BTBD2: variants seen among roughly 807,000 people sequenced by gnomAD.
BTBD2 encodes BTB domain containing 2.
Under a neutral mutation model 44.0 loss-of-function variants are expected in BTBD2, and 15 were observed. The observed-to-expected ratio is 0.34, with a 90% CI of 0.23 to 0.53. The LOEUF (loss-of-function observed/expected upper bound fraction) is 0.53. Among genes scored for constraint, BTBD2 ranks in the 20% least tolerant of loss-of-function variants. The probability of loss-of-function intolerance (pLI) is 0.95; values close to 1 mark genes in which losing one functional copy is unlikely to be tolerated. For missense variants in BTBD2, 657 were observed against 746.4 expected (o/e 0.88, Z 1.39); for synonymous variants, 443 against 335.9 (o/e 1.32, Z -3.49).
intron 4 of BTBD2, 75 bp downstream of exon 4, chr19:1,990,642 C>T: frequency 7.3e-7 from 1 of 1,366,616 alleles, no homozygotes; most frequent in Non-Finnish European, 1.0e-6. Flanking sequence ...AGGCCCAAAG[C>T]TCCCACTGTC....
Position 1,990,799 on chromosome 19 carries a change from C to G in BTBD2, c.708G>C (p.Gln236His). ...TGTTCTCCAGGCACAGGCTGGCCAG[C>G]TGCGGTTCATCGAAGAGTCGCGCCT... ...LTQARLFDEPQLASLCLENID... is the reference protein window; with the variant it reads ...LTQARLFDEPHLASLCLENID... Residue 236 changes from glutamine to histidine, a missense_variant, in exon 4 of 9, where the codon CAG (glutamine) becomes CAC (histidine). By Grantham distance (24) the Gln-to-His change is conservative (BLOSUM62 0). Around this residue, in one of 3 missense-constraint regions of BTBD2, gnomAD observed 449 missense variants for 510.9 expected, o/e 0.88. Transcript: ENST00000255608. The G allele has an allele frequency of 6.3e-7, 1 of 1,585,202 alleles. No individual in the cohort carries two copies. Among genetic ancestry groups the G allele is most frequent in the Non-Finnish European group, 8.6e-7 (1 of 1,167,482 alleles).
chr19:1,986,748 C>T, intron 8 of BTBD2, 82 bp downstream of exon 8: 1 of 1,575,478 alleles, frequency 6.3e-7, no homozygotes, highest in South Asian at 1.2e-5. Context: ...GTGGCTGCCT[C>T]TGGAGAGTGT....
Position 1,995,969 on chromosome 19 carries a change from TTTGAG to T in BTBD2, c.527+1370_527+1374del, listed in dbSNP as rs375901787. Among the ~76,000 whole-genome samples, 51 of 152,206 alleles carry T rather than the reference TTTGAG, an allele frequency of 3.4e-4. No homozygotes were observed. In the South Asian group the frequency reaches 7.3e-3, roughly 22 times the overall value. The stretch of plus-strand genomic sequence containing the variant: ...CGTGCCCAGCCTGGACTTTGATCTA[TTTGAG>T]TTAATTTTTATATACAGTAAGGTAA... On this transcript the variant is annotated intron_variant, in intron 2 of 8. Transcript: ENST00000255608.
At chr19:1,998,290 G>A (rs1003557208) in intron 1 of BTBD2, among the ~76,000 whole-genome samples, 2 of 152,180 alleles carry the variant, frequency 1.3e-5, no homozygotes, top group African/African-American at 2.4e-5. Flanking sequence ...CCAAATGGCC[G>A]AACAGCCCCC....
At chr19:1,998,852 C>G (rs116505504) in intron 1 of BTBD2, among the ~76,000 whole-genome samples, 1 of 152,094 alleles carries the variant, frequency 6.6e-6, no homozygotes, top group Non-Finnish European at 1.5e-5. Context: ...CACAGACGCT[C>G]GGCCTGCGCG....
intron 1 of BTBD2, among the ~76,000 whole-genome samples, chr19:2,007,786 C>A (rs2016413260): frequency 6.6e-6 from 1 of 152,112 alleles, no homozygotes; most frequent in Admixed American, 6.6e-5. Context: ...CAAGATCATG[C>A]CACTGCACTT....
At chr19:1,990,333 C>G (rs977941501) in intron 4 of BTBD2, 132 bp from the exon 5 acceptor site, 1 of 926,970 alleles carries the variant, frequency 1.1e-6, no homozygotes, top group South Asian at 1.6e-5. Flanking sequence ...AAATCTGGCC[C>G]TGTGAGTGTG....
intron 1 of BTBD2, among the ~76,000 whole-genome samples, chr19:2,009,973 G>A (rs2016443183): frequency 6.7e-6 from 1 of 150,036 alleles, no homozygotes; most frequent in African/African-American, 2.5e-5. Flanking sequence ...GGCTAACATG[G>A]TGAAACCCCG....
chr19:1,999,824 T>C (rs1417932395), intron 1 of BTBD2, among the ~76,000 whole-genome samples: 2 of 150,420 alleles, frequency 1.3e-5, no homozygotes, highest in East Asian at 3.9e-4. Flanking sequence ...TAGCTGGGCG[T>C]GGTGGTGGGT....
chr19:2,007,771 C>A (rs371463709), intron 1 of BTBD2, among the ~76,000 whole-genome samples: 1 of 152,042 alleles, frequency 6.6e-6, no homozygotes, highest in Non-Finnish European at 1.5e-5. Flanking sequence ...AGCTTTGCAG[C>A]GAGCCAAGAT....
intron 1 of BTBD2, among the ~76,000 whole-genome samples, chr19:2,004,365 C>G (rs1211290428): frequency 6.6e-6 from 1 of 151,198 alleles, no homozygotes; most frequent in Non-Finnish European, 1.5e-5. Context: ...TCTCAGCTCA[C>G]CACAAAATCA....
At chr19:2,004,081 T>G (rs2016363854) in intron 1 of BTBD2, among the ~76,000 whole-genome samples, 2 of 151,916 alleles carry the variant, frequency 1.3e-5, no homozygotes, top group Admixed American at 1.3e-4. Flanking sequence ...ATGGTCTGTT[T>G]CTTACCTATG....
chr19:2,010,853 G>A (rs548080105), intron 1 of BTBD2, among the ~76,000 whole-genome samples: 4 of 152,238 alleles, frequency 2.6e-5, no homozygotes, highest in African/African-American at 7.2e-5. Flanking sequence ...TGGCCAGGCT[G>A]GTCTCAAACC....
chr19:2,013,259 C>A (rs1460366039), intron 1 of BTBD2, among the ~76,000 whole-genome samples: 1 of 152,202 alleles, frequency 6.6e-6, no homozygotes, highest in Non-Finnish European at 1.5e-5. Context: ...GAAAACCCAG[C>A]CCCTGCCCCC....
rs751310183 is a variant in BTBD2, at chr19:1,987,155, G to A, written c.1269+11C>T. On this transcript the variant is annotated intron_variant, in intron 7 of 8. Coordinates refer to ENST00000255608, the MANE Select transcript of BTBD2 (RefSeq NM_017797.4). ...TGAGTGGGGCCTGGGGATGAGGCTT[G>A]GGGCTGGTACCTGGATGTTCACTTG... is the stretch of plus-strand genomic sequence containing the variant. 7 of 1,613,038 alleles carry A rather than the reference G, an allele frequency of 4.3e-6. No individual in the cohort carries two copies. Among genetic ancestry groups the A allele is most frequent in the Non-Finnish European group, 5.9e-6 (7 of 1,179,268 alleles).
At chr19:1,999,919 G>A (rs539977173) in intron 1 of BTBD2, among the ~76,000 whole-genome samples, 18 of 148,558 alleles carry the variant, frequency 1.2e-4, no homozygotes, top group South Asian at 6.3e-4. Flanking sequence ...CCAAGATCAC[G>A]CCATTGCACT....
At chr19:1,987,306 T>TGAGC in intron 6 of BTBD2, 53 bp from the exon 7 acceptor site, 1 of 1,595,420 alleles carries the variant, frequency 6.3e-7, no homozygotes, top group Non-Finnish European at 8.6e-7. Flanking sequence ...TAGCCTAAGG[T>TGAGC]GAGCTGGGGC....
rs376878790 is a variant in BTBD2 at position 1,986,896 on chromosome 19, G to A, written c.1350C>T (p.Arg450=). 5.5e-5 allele frequency: 88 copies of A among 1,613,068 alleles called. No homozygotes were observed. Among genetic ancestry groups the A allele is most frequent in the South Asian group, 4.0e-4 (36 of 91,070 alleles). ...FSCDGSASTF[R]VMFKEPVEVL... ...CCTCCACCGGCTCCTTGAACATGACGCGGAAGGTGCTGGCTGAGCCGTCGC... is the reference window on the plus strand; with the variant it reads ...CCTCCACCGGCTCCTTGAACATGACACGGAAGGTGCTGGCTGAGCCGTCGC... Residue 450 remains arginine, a synonymous_variant, in exon 8 of 9, where the codon CGC becomes CGT. Coordinates refer to ENST00000255608, the MANE Select transcript of BTBD2 (RefSeq NM_017797.4).
chr19:1,987,858 G>A, intron 5 of BTBD2, 166 bp from the exon 6 acceptor site: 1 of 664,854 alleles, frequency 1.5e-6, no homozygotes, highest in Non-Finnish European at 2.5e-6. Context: ...GGCCCCTGCT[G>A]CCTGGGCTTT....
Sources: allele counts gnomAD v4.1 joint callset (sites outside exome capture counted in the v4.1 genomes callset), GRCh38; gene constraint gnomAD v4.1.1; regional missense constraint gnomAD v4.1.1; transcripts MANE v1.5; gene names NCBI Gene and HGNC (gene_info 2026-07-23, HGNC 2026-07-21).